The following HDAC9 variants were observed in gnomAD, a reference collection of about 807,000 sequenced individuals.
HDAC9 encodes the protein MEF-2 interacting transcription repressor (MITR) protein.
A neutral mutation model predicts 139.4 loss-of-function variants in HDAC9; 41 were observed. The observed-to-expected ratio is 0.29, with a 90% CI of 0.23 to 0.38. The LOEUF (loss-of-function observed/expected upper bound fraction) is 0.38, where lower values mean the gene tolerates loss of function less well. Ranked by LOEUF, HDAC9 falls within the 10% of genes least tolerant of loss-of-function variation. The pLI is 1.00. For synonymous variants in HDAC9, 517 were observed against 476.2 expected (o/e 1.09, Z -1.12); for missense variants, 1,147 against 1,297.0 (o/e 0.88, Z 1.78).
chr7:18,136,959 T>G lies in HDAC9; in HGVS notation c.-96-25270T>G, dbSNP rs1338518723. Among the ~76,000 whole-genome samples, 391 of 148,380 alleles carry G rather than the reference T, an allele frequency of 2.6e-3. 2 individuals carry two copies. Among genetic ancestry groups the G allele is most frequent in the Non-Finnish European group, 3.8e-3 (254 of 66,456 alleles). On this transcript the variant is annotated intron_variant, in intron 1 of 12. Transcript: ENST00000417496. ...GAGCATGGAATGTTCTTCCATTTGTTTGTATCCTCTTTTATTTCCTTGAGC... is the reference window on the plus strand; with the variant it reads ...GAGCATGGAATGTTCTTCCATTTGTGTGTATCCTCTTTTATTTCCTTGAGC...
At chr7:18,593,258 A>C (rs1562495392) in intron 5 of HDAC9, among the ~76,000 whole-genome samples, 1 of 152,096 alleles carries the variant, frequency 6.6e-6, no homozygotes, top group East Asian at 1.9e-4. Context: ...ATTTATATCT[A>C]CTAGATAGTC....
At chr7:18,408,640 A>G (rs1016578469) in intron 1 of HDAC9, among the ~76,000 whole-genome samples, 1 of 152,202 alleles carries the variant, frequency 6.6e-6, no homozygotes, top group Non-Finnish European at 1.5e-5. Context: ...TATGAAATTT[A>G]CATAGCCTGA....
intron 2 of HDAC9, among the ~76,000 whole-genome samples, chr7:18,277,135 T>C (rs1340512478): frequency 6.6e-6 from 1 of 152,094 alleles, no homozygotes; most frequent in African/African-American, 2.4e-5. Context: ...GCTAGATGAA[T>C]GAGCGTTGTG....
In HDAC9 at chr7:18,942,371, G is replaced by A. The variant is rs528897451; in HGVS notation, c.2937+6429G>A. Reference sequence around the variant, plus strand: ...TGGATGGCTCTGTTTGGATTTGTTCGTTTTGTTTTTGGTAGAGGAGAGGTA... The same window carrying A: ...TGGATGGCTCTGTTTGGATTTGTTCATTTTGTTTTTGGTAGAGGAGAGGTA... On this transcript the variant is annotated intron_variant, in intron 23 of 25. Transcript: ENST00000686413. 1.2e-4 allele frequency among the ~76,000 whole-genome samples: 18 copies of A among 152,086 alleles called. No homozygotes were observed. The South Asian group carries it at 1.9e-3, about 16-fold the overall frequency.
At chr7:18,185,359 C>T (rs1789823028) in intron 2 of HDAC9, among the ~76,000 whole-genome samples, 1 of 152,108 alleles carries the variant, frequency 6.6e-6, no homozygotes, top group South Asian at 2.1e-4. Flanking sequence ...CGTTAAACCT[C>T]CAAGGTAATT....
intron 1 of HDAC9, among the ~76,000 whole-genome samples, chr7:18,471,201 C>G (rs770595376): frequency 6.6e-5 from 10 of 152,032 alleles, no homozygotes; most frequent in Non-Finnish European, 1.3e-4. Context: ...GGAACTATAA[C>G]CGGCACAGGG....
chr7:18,704,776 T>C (rs1389938830), intron 12 of HDAC9, among the ~76,000 whole-genome samples: 1 of 152,192 alleles, frequency 6.6e-6, no homozygotes, highest in Non-Finnish European at 1.5e-5. Context: ...TTTTTAAAAA[T>C]AGGTCACATA....
chr7:18,396,641 TAA>T (rs1787090448), intron 1 of HDAC9, among the ~76,000 whole-genome samples: 1 of 152,158 alleles, frequency 6.6e-6, no homozygotes, highest in African/African-American at 2.4e-5. Context: ...TTGTCACTGT[TAA>T]GAGACAATGC....
intron 2 of HDAC9, among the ~76,000 whole-genome samples, chr7:18,172,050 T>A (rs552391500): frequency 6.6e-6 from 1 of 152,352 alleles, no homozygotes; most frequent in South Asian, 2.1e-4. Flanking sequence ...TCTGGTAGAA[T>A]TCGGCTGTGA....
chr7:18,568,030 A>ATG (rs1167573167), intron 2 of HDAC9, among the ~76,000 whole-genome samples: 1 of 92,100 alleles, frequency 1.1e-5, no homozygotes, highest in Non-Finnish European at 2.1e-5. Context: ...GTATATGTAT[A>ATG]TATATATATA....
chr7:18,739,911 C>T (rs953659631), intron 13 of HDAC9, among the ~76,000 whole-genome samples: 1 of 152,216 alleles, frequency 6.6e-6, no homozygotes, highest in African/African-American at 2.4e-5. Flanking sequence ...TGCTGAGCTG[C>T]AGTGGGCTCT....
At chr7:18,740,796 A>C (rs1584952473) in intron 13 of HDAC9, among the ~76,000 whole-genome samples, 2 of 152,250 alleles carry the variant, frequency 1.3e-5, no homozygotes, top group East Asian at 3.8e-4. Flanking sequence ...AATAGAAAAG[A>C]AAAGCTCTTG....
At chr7:18,943,902 A>G (rs1782193182) in intron 23 of HDAC9, among the ~76,000 whole-genome samples, 1 of 152,106 alleles carries the variant, frequency 6.6e-6, no homozygotes, top group Admixed American at 6.6e-5. Flanking sequence ...AATCTGAATA[A>G]TTTCAATAGT....
chr7:18,497,076 A>G (rs1018893088), intron 2 of HDAC9, among the ~76,000 whole-genome samples: 2 of 152,104 alleles, frequency 1.3e-5, no homozygotes, highest in East Asian at 3.9e-4. Flanking sequence ...TGAGCTTGTC[A>G]GCCTTGTCAA....
At chr7:18,472,663 T>C (rs1212985044) in intron 1 of HDAC9, among the ~76,000 whole-genome samples, 1 of 152,156 alleles carries the variant, frequency 6.6e-6, no homozygotes, top group Non-Finnish European at 1.5e-5. Context: ...AGATCTCAGG[T>C]CAAGTGTCTC....
intron 11 of HDAC9, among the ~76,000 whole-genome samples, chr7:18,650,743 AT>A (rs1788970238): frequency 6.6e-6 from 1 of 152,180 alleles, no homozygotes. Flanking sequence ...TTTTAGGTAC[AT>A]GTTTGTACAG....
rs1436391663 is a variant in HDAC9, at chr7:18,891,626, CT to C, written c.2803+17032del. ...CTGGCTTCTTAGTCTTTCCAGGGTG[CT>C]TGGGGCCCTAGCTCCTTGTGTGACT... On this transcript the variant is annotated intron_variant, in intron 22 of 25. Coordinates refer to ENST00000686413, the MANE Select transcript of HDAC9 (RefSeq NM_178425.4). Among the ~76,000 whole-genome samples, 3 of 152,228 alleles carry C rather than the reference CT, an allele frequency of 2.0e-5. No homozygotes were observed. The East Asian group carries it at 5.8e-4, about 29-fold the overall frequency.
intron 1 of HDAC9, among the ~76,000 whole-genome samples, chr7:18,490,697 A>G (rs1384115414): frequency 1.3e-5 from 2 of 152,060 alleles, no homozygotes; most frequent in Admixed American, 1.3e-4. Context: ...AAAAATTAGT[A>G]CACTGTACTT....
intron 2 of HDAC9, among the ~76,000 whole-genome samples, chr7:18,215,569 C>T (rs1449116467): frequency 6.6e-6 from 1 of 152,088 alleles, no homozygotes; most frequent in Non-Finnish European, 1.5e-5. Flanking sequence ...TTTTATGTGG[C>T]AGTGTTGAGG....
Sources: allele counts gnomAD v4.1 joint callset (sites outside exome capture counted in the v4.1 genomes callset), GRCh38; gene constraint gnomAD v4.1.1; transcripts MANE v1.5; gene names NCBI Gene and HGNC (gene_info 2026-07-23, HGNC 2026-07-21).